Variants in SNX10 observed in about 807,000 individuals in gnomAD.
The protein encoded by SNX10 is sorting nexin 10, also known as sorting nexin-10.
SNX10 carries 25 observed loss-of-function variants against 28.5 expected under a neutral mutation model. The ratio of observed to expected loss-of-function variants is 0.88; its 90% CI spans 0.64 to 1.22. SNX10 has a LOEUF of 1.22. Ranked by LOEUF, SNX10 falls within the 50% of genes most tolerant of loss-of-function variation. SNX10 has a pLI of 0.00. For synonymous variants in SNX10, 62 were observed against 81.4 expected (o/e 0.76, Z 1.28); for missense variants, 223 against 242.6 (o/e 0.92, Z 0.54).
intron 1 of SNX10, among the ~76,000 whole-genome samples, chr7:26,339,827 G>A (rs187925711): frequency 2.7e-5 from 4 of 150,408 alleles, no homozygotes; most frequent in Admixed American, 6.6e-5. Flanking sequence ...GATTACAGGC[G>A]TGAGTCACCC....
chr7:26,292,137 G>C (rs1053105602), intron 1 of SNX10, 51 bp downstream of exon 1: 7 of 152,486 alleles, frequency 4.6e-5, no homozygotes, highest in African/African-American at 1.7e-4. Flanking sequence ...CGCCCAGGTG[G>C]GGACGGCGGC....
intron 1 of SNX10, among the ~76,000 whole-genome samples, chr7:26,334,282 A>G (rs1337295675): frequency 1.3e-5 from 2 of 152,242 alleles, no homozygotes; most frequent in Non-Finnish European, 2.9e-5. Flanking sequence ...TGGGATATCC[A>G]TCACCTCAAG....
chr7:26,310,604 G>A (rs1437799735), intron 1 of SNX10, among the ~76,000 whole-genome samples: 4 of 152,030 alleles, frequency 2.6e-5, no homozygotes, highest in East Asian at 3.9e-4. Flanking sequence ...TTGGTGAGTT[G>A]GGGGTGGGGA....
At chr7:26,333,665 G>A (rs1787825598) in intron 1 of SNX10, among the ~76,000 whole-genome samples, 1 of 152,104 alleles carries the variant, frequency 6.6e-6, no homozygotes, top group South Asian at 2.1e-4. Context: ...TACTTTGATG[G>A]GAAGTTGTGA....
intron 1 of SNX10, among the ~76,000 whole-genome samples, chr7:26,323,950 A>G (rs1787402440): frequency 6.6e-6 from 1 of 152,230 alleles, no homozygotes; most frequent in Non-Finnish European, 1.5e-5. Context: ...TTAGAATGCA[A>G]CAGAGGACTG....
chr7:26,369,151 T>A (rs1320976441), intron 5 of SNX10, among the ~76,000 whole-genome samples: 2 of 152,202 alleles, frequency 1.3e-5, no homozygotes, highest in Non-Finnish European at 2.9e-5. Flanking sequence ...TAGAGGCTAT[T>A]TTTTATTCCT....
chr7:26,346,454 A>G lies in SNX10; in HGVS notation c.12A>G (p.Glu4=), dbSNP rs765644931. The change falls in exon 2 of 7, where the codon GAA becomes GAG. Residue 4 remains glutamate (E), a synonymous_variant. Transcript: ENST00000338523. ...GTCCTGTGCTGAAGATGTTTCCGGA[A>G]CAACAGAAAGAGGTATGTCATCACA... MFP[E]QQKEEFVSVW... is the part of the protein sequence containing the mutation. The G allele has an allele frequency of 3.4e-5, 55 of 1,608,498 alleles. No individual in the cohort carries two copies. The highest frequency in any genetic ancestry group is 1.6e-4 in the Middle Eastern group (1 of 6,070).
intron 1 of SNX10, among the ~76,000 whole-genome samples, chr7:26,330,675 CAG>C (rs1787711135): frequency 6.6e-6 from 1 of 152,034 alleles, no homozygotes; most frequent in African/African-American, 2.4e-5. Flanking sequence ...TCAGCCTGGG[CAG>C]ACATTGTGGC....
At chr7:26,372,454 C>A in intron 6 of SNX10, 37 bp from the exon 7 acceptor site, 1 of 1,345,878 alleles carries the variant, frequency 7.4e-7, no homozygotes, top group Non-Finnish European at 1.1e-6. Flanking sequence ...AAACCAATTT[C>A]CTCTTTTTAT....
At chr7:26,338,461 T>C (rs919952680) in intron 1 of SNX10, among the ~76,000 whole-genome samples, 1 of 151,904 alleles carries the variant, frequency 6.6e-6, no homozygotes, top group African/African-American at 2.4e-5. Flanking sequence ...CATCTCGCTC[T>C]GTTGCCCAGG....
At chr7:26,352,214 A>C (rs1343677095) in intron 2 of SNX10, among the ~76,000 whole-genome samples, 5 of 152,210 alleles carry the variant, frequency 3.3e-5, no homozygotes, top group Non-Finnish European at 5.9e-5. Context: ...ATAGTGAATA[A>C]ACCAATAAAC....
In SNX10 at chr7:26,373,308, T is replaced by C. The variant is rs1040237384; in HGVS notation, c.*736T>C. Reference sequence around the variant, plus strand: ...TCAACAAATGGTTTCTGGAGACAAATAATTTGTTTTCATTATCATTGTATA... The same window carrying C: ...TCAACAAATGGTTTCTGGAGACAAACAATTTGTTTTCATTATCATTGTATA... On this transcript the variant is annotated 3_prime_UTR_variant, in exon 7 of 7. Transcript: ENST00000338523. This position sits in a 1 kb window ranked among gnomAD's most constrained non-coding sequence, Gnocchi z 4.2. The C allele has an allele frequency of 5.3e-5, 8 of 152,096 alleles. No individual in the cohort carries two copies. The highest frequency in any genetic ancestry group is 1.9e-4 in the African/African-American group (8 of 41,446). 9.4% of individuals were successfully genotyped at this position (152,096 alleles called of 1,614,324 possible). A position where few individuals can be genotyped will look rare whatever the true frequency, so the allele number is the denominator to read the frequency against.
chr7:26,304,375 T>A lies in SNX10; in HGVS notation c.-24+12289T>A, dbSNP rs549484826. Among the ~76,000 whole-genome samples the A allele has an allele frequency of 1.1e-4, 16 of 152,328 alleles. No homozygotes were observed. In the South Asian group the frequency reaches 2.3e-3, roughly 22 times the overall value. The stretch of plus-strand genomic sequence containing the variant: ...CAGGTTGCCATTGTTACTTTCCTAT[T>A]AGCTTCTGATCGAGTCTCTCTGGTT... On this transcript the variant is annotated intron_variant, in intron 1 of 6. Transcript: ENST00000338523.
At chr7:26,322,772 T>G (rs1787357912) in intron 1 of SNX10, among the ~76,000 whole-genome samples, 1 of 152,238 alleles carries the variant, frequency 6.6e-6, no homozygotes, top group African/African-American at 2.4e-5. Context: ...AGTGGCTCTC[T>G]TGTCCAGTGT....
chr7:26,325,176 CA>C (rs1388057010), intron 1 of SNX10, among the ~76,000 whole-genome samples: 1 of 151,228 alleles, frequency 6.6e-6, no homozygotes. Context: ...CTAGTACGTT[CA>C]AAATGTCCTA....
At chr7:26,360,861 C>T in intron 2 of SNX10, 114 bp from the exon 3 acceptor site, 2 of 1,515,666 alleles carry the variant, frequency 1.3e-6, no homozygotes, top group Non-Finnish European at 1.8e-6. Flanking sequence ...ATTACAAGTA[C>T]CACATTGGTT....
intron 1 of SNX10, among the ~76,000 whole-genome samples, chr7:26,318,673 T>G (rs1787188803): frequency 1.3e-5 from 2 of 152,192 alleles, no homozygotes; most frequent in East Asian, 3.8e-4. Flanking sequence ...GGTTTTGCCA[T>G]GTTGCCCAGG....
intron 2 of SNX10, 51 bp from the exon 3 acceptor site, chr7:26,360,924 G>T: frequency 6.2e-7 from 1 of 1,600,276 alleles, no homozygotes. Context: ...GTTCTTTCCA[G>T]TCCTACTTGC....
At chr7:26,327,139 T>G (rs1787531929) in intron 1 of SNX10, among the ~76,000 whole-genome samples, 1 of 152,030 alleles carries the variant, frequency 6.6e-6, no homozygotes, top group Non-Finnish European at 1.5e-5. Context: ...TTAGTAGAGA[T>G]GGGGTTTTGC....
Sources: gnomAD v4.1 joint callset for allele counts (sites outside exome capture counted in the v4.1 genomes callset) on GRCh38, gnomAD v4.1.1 for gene constraint, Gnocchi (gnomAD v3.1) non-coding constraint, MANE v1.5 for transcripts, NCBI Gene and HGNC (gene_info 2026-07-23, HGNC 2026-07-21) for gene names.